CLASP2: variants seen among roughly 807,000 people sequenced by gnomAD.
CLASP2 encodes the protein CLIP-associating protein 2.
A neutral mutation model predicts 194.4 loss-of-function variants in CLASP2; 47 were observed. The ratio of observed to expected loss-of-function variants is 0.24; its 90% CI spans 0.19 to 0.31. The LOEUF (loss-of-function observed/expected upper bound fraction) is 0.31. Ranked by LOEUF, CLASP2 falls within the 10% of genes least tolerant of loss-of-function variation. The probability of loss-of-function intolerance (pLI) is 1.00; values close to 1 mark genes in which losing one functional copy is unlikely to be tolerated. For synonymous variants in CLASP2, 619 were observed against 633.5 expected (o/e 0.98, Z 0.34); for missense variants, 1,445 against 1,823.6 (o/e 0.79, Z 3.78).
At chr3:33,612,143 C>T (rs2075302514) in intron 12 of CLASP2, 72 bp from the exon 13 acceptor site, 1 of 896,990 alleles carries the variant, frequency 1.1e-6, no homozygotes, top group Non-Finnish European at 1.8e-6. Flanking sequence ...ATTTGCCTTA[C>T]ATTCAAGTAT....
At chr3:33,662,486 C>A (rs2085457620) in intron 7 of CLASP2, among the ~76,000 whole-genome samples, 1 of 152,186 alleles carries the variant, frequency 6.6e-6, no homozygotes, top group African/African-American at 2.4e-5. Flanking sequence ...ACTGGTAGCA[C>A]TGAAGTCAAT....
chr3:33,585,689 C>T (rs957145807), intron 21 of CLASP2, among the ~76,000 whole-genome samples: 2 of 152,160 alleles, frequency 1.3e-5, no homozygotes, highest in African/African-American at 4.8e-5. Context: ...GAACAATGTA[C>T]ACTGTACCCA....
chr3:33,684,828 C>T (rs773509192), intron 5 of CLASP2, among the ~76,000 whole-genome samples: 4 of 151,050 alleles, frequency 2.6e-5, no homozygotes, highest in East Asian at 1.9e-4. Flanking sequence ...GGTGAAACCC[C>T]GCCTCTACGA....
chr3:33,635,731 G>T (rs1331445456), intron 8 of CLASP2, among the ~76,000 whole-genome samples: 1 of 152,042 alleles, frequency 6.6e-6, no homozygotes, highest in African/African-American at 2.4e-5. Context: ...TTTTAAAAAA[G>T]TTTTTCCTTA....
rs1451262877 is a variant in CLASP2, at chr3:33,632,285, G to A, written c.942+7C>T. 2 of 1,583,656 alleles carry A rather than the reference G, an allele frequency of 1.3e-6. No homozygotes were observed. Among genetic ancestry groups the A allele is most frequent in the Admixed American group, 1.8e-5 (1 of 56,710 alleles). On this transcript the variant is annotated splice_region_variant and intron_variant, in intron 9 of 38. Transcript: ENST00000682230. ...ATATTCACGGGGAGTGCCACTGGTAGCCTTACCTGAATAGAAGGGACATCT... is the reference window on the plus strand; with the variant it reads ...ATATTCACGGGGAGTGCCACTGGTAACCTTACCTGAATAGAAGGGACATCT...
At chr3:33,594,843 A>G (rs529812262) in intron 20 of CLASP2, 108 bp downstream of exon 20, 3 of 540,298 alleles carry the variant, frequency 5.6e-6, no homozygotes, top group Non-Finnish European at 8.8e-6. Flanking sequence ...GGCAAATTAT[A>G]AAGAGTTGCA....
intron 7 of CLASP2, among the ~76,000 whole-genome samples, chr3:33,661,739 T>C (rs924257715): frequency 5.9e-5 from 9 of 152,308 alleles, no homozygotes; most frequent in Admixed American, 5.2e-4. Context: ...AAAGGAGAGA[T>C]GAATGATGGC....
At chr3:33,554,494 G>A (rs2060585418) in intron 29 of CLASP2, 1 of 152,242 alleles carries the variant, frequency 6.6e-6, no homozygotes, top group African/African-American at 2.4e-5. Context: ...GAGGTTACCA[G>A]AGGGCAGGGG....
At chr3:33,620,828 T>C (rs7647008) in intron 11 of CLASP2, among the ~76,000 whole-genome samples, 38,930 of 152,132 alleles carry the variant, frequency 0.26, 5,523 homozygotes, top group Admixed American at 0.37. Flanking sequence ...TCCATTCTGG[T>C]TGGTCAGATC....
intron 5 of CLASP2, among the ~76,000 whole-genome samples, chr3:33,685,342 C>CAAAAAAAAAAAA (rs56240569): frequency 6.2e-5 from 3 of 48,148 alleles, no homozygotes; most frequent in East Asian, 7.2e-4. Flanking sequence ...AACTCCGTCT[C>CAAAAAAAAAAAA]AAAAAAAAAA....
chr3:33,618,670 TAAA>T (rs1266348746), intron 12 of CLASP2, among the ~76,000 whole-genome samples: 1 of 151,072 alleles, frequency 6.6e-6, no homozygotes, highest in African/African-American at 2.4e-5. Flanking sequence ...AAATAAAAAA[TAAA>T]AAAAAGGAAG....
chr3:33,672,623 G>A (rs953441601), intron 6 of CLASP2, among the ~76,000 whole-genome samples: 2 of 152,190 alleles, frequency 1.3e-5, no homozygotes, highest in African/African-American at 2.4e-5. Context: ...GACAGAAGAA[G>A]GCTTCAGACG....
At position 33,632,158 on chromosome 3, in the gene CLASP2, G is replaced by A. The variant is rs1004394447; in HGVS notation, c.942+134C>T. On this transcript the variant is annotated intron_variant, in intron 9 of 38. Transcript: ENST00000682230. ...TAATTGTACCAACAAATAATGGCTTGGTATTAATAAGTCAAATATTTCATT... is the reference window on the plus strand; with the variant it reads ...TAATTGTACCAACAAATAATGGCTTAGTATTAATAAGTCAAATATTTCATT... 1.2e-5 allele frequency: 6 copies of A among 508,192 alleles called. No homozygotes were observed. In the South Asian group the frequency reaches 3.0e-4, roughly 25 times the overall value. 31.5% of individuals were successfully genotyped at this position (508,192 alleles called of 1,614,324 possible). A position where few individuals can be genotyped will look rare whatever the true frequency, so the allele number is the denominator to read the frequency against.
intron 9 of CLASP2, among the ~76,000 whole-genome samples, chr3:33,627,553 T>C (rs879845154): frequency 1.3e-5 from 2 of 152,168 alleles, no homozygotes; most frequent in Admixed American, 6.6e-5. Flanking sequence ...TTTGTCAAAC[T>C]GCTGTTCACC....
intron 1 of CLASP2, 71 bp downstream of exon 1, chr3:33,717,736 CG>C (rs2093363617): frequency 6.7e-7 from 1 of 1,489,006 alleles, no homozygotes. Context: ...TTTCCCGGCC[CG>C]GCGCTCGCGT....
intron 1 of CLASP2, among the ~76,000 whole-genome samples, chr3:33,713,816 C>T (rs774326731): frequency 5.3e-5 from 8 of 152,100 alleles, no homozygotes; most frequent in African/African-American, 7.2e-5. Flanking sequence ...CACTATCTTG[C>T]TCAGGCTGTG....
chr3:33,674,302 C>T (rs2088045079), intron 6 of CLASP2, among the ~76,000 whole-genome samples: 2 of 152,090 alleles, frequency 1.3e-5, no homozygotes, highest in South Asian at 4.1e-4. Context: ...CTCAAAACCA[C>T]TCAACTACAT....
At chr3:33,596,653 T>G in intron 19 of CLASP2, 58 bp downstream of exon 19, 1 of 1,179,764 alleles carries the variant, frequency 8.5e-7, no homozygotes, top group Non-Finnish European at 1.2e-6. Flanking sequence ...ACAAGGATAT[T>G]ATATAGAATC....
At chr3:33,684,836 C>T (rs926365019) in intron 5 of CLASP2, among the ~76,000 whole-genome samples, 3 of 151,184 alleles carry the variant, frequency 2.0e-5, no homozygotes, top group African/African-American at 4.9e-5. Context: ...CCCGCCTCTA[C>T]GAAAAATACA....
Sources: gnomAD v4.1 joint callset for allele counts (sites outside exome capture counted in the v4.1 genomes callset) on GRCh38, gnomAD v4.1.1 for gene constraint, MANE v1.5 for transcripts, NCBI Gene and HGNC (gene_info 2026-07-23, HGNC 2026-07-21) for gene names.